Variants in GTF2A1L observed in about 807,000 individuals in gnomAD.
GTF2A1L encodes the protein TFIIA-alpha and beta-like factor.
GTF2A1L carries 48 observed loss-of-function variants against 49.7 expected under a neutral mutation model. The observed-to-expected ratio is 0.97, with a 90% confidence interval of 0.77 to 1.23. The LOEUF is 1.23. Among genes scored for constraint, GTF2A1L ranks in the 50% most tolerant of loss-of-function variants. The probability of loss-of-function intolerance (pLI) is 0.00; values close to 1 mark genes in which losing one functional copy is unlikely to be tolerated. For missense variants in GTF2A1L, 736 were observed against 564.8 expected, an observed-to-expected ratio of 1.30 and a Z score of -3.07; for synonymous variants, 246 against 193.5, an observed-to-expected ratio of 1.27 and a Z score of -2.25.
In GTF2A1L at chr2:48,621,226, C is replaced by G. The variant is rs1189160087; in HGVS notation, c.183C>G (p.Ile61Met). 3 of 1,613,952 alleles carry G rather than the reference C, an allele frequency of 1.9e-6. No homozygotes were observed. Among genetic ancestry groups the G allele is most frequent in the Non-Finnish European group, 2.5e-6 (3 of 1,179,980 alleles). Reference sequence around the variant, plus strand: ...CAGAAGACTTCTTCAGAAATAGCATCCAATCACCTCTGTTTACTCTTCAGT... The same window carrying G: ...CAGAAGACTTCTTCAGAAATAGCATGCAATCACCTCTGTTTACTCTTCAGT... ...KATEDFFRNSIQSPLFTLQLP... is the reference protein window; with the variant it reads ...KATEDFFRNSMQSPLFTLQLP... Residue 61 changes from isoleucine (I) to methionine (M), a missense_variant, in exon 3 of 9, where the codon ATC becomes ATG. Transcript: ENST00000403751.
At chr2:48,628,711 A>G (rs1329608295) in intron 3 of GTF2A1L, among the ~76,000 whole-genome samples, 1 of 143,882 alleles carries the variant, frequency 7.0e-6, no homozygotes, top group East Asian at 1.9e-4. Flanking sequence ...CAGAAGCTCT[A>G]TAGTTTAATT....
At position 48,669,856 on chromosome 2, in the gene GTF2A1L, A is replaced by AT; in HGVS notation, c.1116dup (p.Leu373SerfsTer5). On this transcript the variant is annotated frameshift_variant, in exon 7 of 9. Coordinates refer to ENST00000403751, the MANE Select transcript of GTF2A1L (RefSeq NM_006872.5). LOFTEE classifies it high-confidence loss of function. The stretch of plus-strand genomic sequence containing the variant: ...GTACAAGAGATGCAGATGAGAATGA[A>AT]TTTCTAGGGAATATTGACGGGGGAG... The AT allele has an allele frequency of 3.7e-6, 6 of 1,614,050 alleles. No individual in the cohort carries two copies. Among genetic ancestry groups the AT allele is most frequent in the Non-Finnish European group, 5.1e-6 (6 of 1,179,988 alleles).
intron 6 of GTF2A1L, among the ~76,000 whole-genome samples, chr2:48,662,283 C>G (rs1399468463): frequency 1.3e-5 from 2 of 152,128 alleles, no homozygotes; most frequent in Non-Finnish European, 2.9e-5. Context: ...AGAATAAAAT[C>G]AATTATAAAC....
At chr2:48,627,668 A>G in intron 3 of GTF2A1L, among the ~76,000 whole-genome samples, 1 of 144,246 alleles carries the variant, frequency 6.9e-6, no homozygotes, top group East Asian at 1.9e-4. Context: ...TTGCTGTCAG[A>G]TATTCTTTCA....
chr2:48,621,078 C>A, intron 2 of GTF2A1L, 89 bp from the exon 3 acceptor site: 1 of 1,516,474 alleles, frequency 6.6e-7, no homozygotes, highest in Non-Finnish European at 8.8e-7. Flanking sequence ...ATCAGGATGA[C>A]GTTAGTTTTT....
At chr2:48,676,747 C>A (rs1298934585) in intron 8 of GTF2A1L, among the ~76,000 whole-genome samples, 1 of 151,412 alleles carries the variant, frequency 6.6e-6, no homozygotes, top group African/African-American at 2.4e-5. Flanking sequence ...ATAAAAAGTT[C>A]TTTCTTACCT....
chr2:48,648,351 C>T (rs538442890), intron 6 of GTF2A1L, among the ~76,000 whole-genome samples: 2 of 152,092 alleles, frequency 1.3e-5, no homozygotes, highest in East Asian at 3.9e-4. Context: ...TTCATCACTA[C>T]TACTTTTGGA....
intron 6 of GTF2A1L, among the ~76,000 whole-genome samples, chr2:48,656,398 G>T (rs983721951): frequency 2.1e-5 from 3 of 141,942 alleles, no homozygotes; most frequent in South Asian, 2.2e-4. Context: ...ACCCTAAGGG[G>T]TTTGAAGTGG....
chr2:48,632,920 G>T, intron 3 of GTF2A1L: 1 of 244,042 alleles, frequency 4.1e-6, no homozygotes, highest in South Asian at 5.7e-5. Flanking sequence ...CCTCATGGTA[G>T]AGCAACTATG....
At chr2:48,643,221 A>G (rs1677301340) in intron 4 of GTF2A1L, among the ~76,000 whole-genome samples, 1 of 152,044 alleles carries the variant, frequency 6.6e-6, no homozygotes, top group Non-Finnish European at 1.5e-5. Flanking sequence ...GCTTGTTTAT[A>G]TTTTCCCCCT....
chr2:48,645,202 A>G (rs946361607), intron 5 of GTF2A1L, 85 bp downstream of exon 5: 3 of 1,190,140 alleles, frequency 2.5e-6, no homozygotes, highest in Non-Finnish European at 3.5e-6. Flanking sequence ...TAAATAAACT[A>G]TATACCAGAA....
chr2:48,649,537 G>T (rs1223940919), intron 6 of GTF2A1L, among the ~76,000 whole-genome samples: 1 of 152,170 alleles, frequency 6.6e-6, no homozygotes, highest in Admixed American at 6.5e-5. Context: ...GTATGACTTA[G>T]AGAAGTTACT....
intron 6 of GTF2A1L, among the ~76,000 whole-genome samples, chr2:48,656,680 C>A (rs564018073): frequency 5.9e-5 from 9 of 152,142 alleles, no homozygotes; most frequent in African/African-American, 1.9e-4. Context: ...CTTTTGAGCA[C>A]AAAAGGTTTT....
rs778962861 is a variant in GTF2A1L, at chr2:48,635,819, C to G, written c.248-6583C>G. Among the ~76,000 whole-genome samples the G allele has an allele frequency of 2.0e-5, 3 of 152,052 alleles. No homozygotes were observed. In the South Asian group the frequency reaches 6.2e-4, roughly 32 times the overall value. ...TTAAAAATGGCATCCTGTGCTTGGT[C>G]CTATGTCTGGGAAAGTGTCTGCAGC... On this transcript the variant is annotated intron_variant, in intron 3 of 8. Coordinates refer to ENST00000403751, the MANE Select transcript of GTF2A1L (RefSeq NM_006872.5).
At chr2:48,652,896 G>A (rs182679288) in intron 6 of GTF2A1L, among the ~76,000 whole-genome samples, 4 of 151,224 alleles carry the variant, frequency 2.6e-5, no homozygotes, top group East Asian at 2.0e-4. Context: ...GGGTTTCACC[G>A]TGTTGGCCAG....
intron 6 of GTF2A1L, among the ~76,000 whole-genome samples, chr2:48,663,542 G>A (rs979876787): frequency 1.3e-5 from 2 of 152,158 alleles, no homozygotes; most frequent in Admixed American, 6.5e-5. Flanking sequence ...AAAGTGTAAA[G>A]CACTGTTATT....
Position 48,627,745 on chromosome 2 carries a change from T to G in GTF2A1L, c.247+6455T>G, listed in dbSNP as rs1307965899. Among the ~76,000 whole-genome samples the G allele has an allele frequency of 1.4e-5, 2 of 143,512 alleles. 1 individual carries two copies. Among genetic ancestry groups the G allele is most frequent in the Non-Finnish European group, 3.1e-5 (2 of 63,736 alleles). The allele number at this position is 143,512 out of a possible 152,430, so 94.1% of individuals were successfully genotyped here. A position where few individuals can be genotyped will look rare whatever the true frequency, so the allele number is the denominator to read the frequency against. On this transcript the variant is annotated intron_variant, in intron 3 of 8. Coordinates refer to ENST00000403751, the MANE Select transcript of GTF2A1L (RefSeq NM_006872.5). ...TTTCTTTTCAACTTTTATTCTAGAT[T>G]CAGGGGTACACAGGCAGGTTTGTTA...
chr2:48,645,947 C>CTTTTTT, intron 5 of GTF2A1L, among the ~76,000 whole-genome samples: 1 of 144,354 alleles, frequency 6.9e-6, no homozygotes, highest in Non-Finnish European at 1.5e-5. Flanking sequence ...CGCGCCTGGC[C>CTTTTTT]TTTTTTTTTT....
intron 6 of GTF2A1L, among the ~76,000 whole-genome samples, chr2:48,653,704 G>A (rs1429478435): frequency 1.3e-5 from 2 of 152,044 alleles, no homozygotes; most frequent in Non-Finnish European, 2.9e-5. Context: ...AGACTGAGGC[G>A]GTTGGATCAC....
Sources: allele counts gnomAD v4.1 joint callset (sites outside exome capture counted in the v4.1 genomes callset), GRCh38; gene constraint gnomAD v4.1.1; transcripts MANE v1.5; gene names NCBI Gene and HGNC (gene_info 2026-07-23, HGNC 2026-07-21).